AADACL4: variants seen among roughly 807,000 people sequenced by gnomAD.
AADACL4 encodes arylacetamide deacetylase like 4, also known as arylacetamide deacetylase-like 4.
Under a neutral mutation model 14.1 loss-of-function variants are expected in AADACL4, and 9 were observed. The observed-to-expected ratio is 0.64, with a 90% CI of 0.39 to 1.12. The LOEUF is 1.12. Ranked by LOEUF, AADACL4 falls within the 50% of genes most tolerant of loss-of-function variation. The pLI, the probability that AADACL4 is intolerant of heterozygous loss-of-function variation, is 0.01. For synonymous variants in AADACL4, 188 were observed against 201.6 expected (o/e 0.93, Z 0.57); for missense variants, 531 against 516.1 (o/e 1.03, Z -0.28).
At chr1:12,644,902 T>G (rs1362259160) in intron 1 of AADACL4, among the ~76,000 whole-genome samples, 188 bp downstream of exon 1, 1 of 151,188 alleles carries the variant, frequency 6.6e-6, no homozygotes, top group Non-Finnish European at 1.5e-5. Context: ...CCTTCCCCCT[T>G]CCCATAGCCT....
intron 2 of AADACL4, among the ~76,000 whole-genome samples, chr1:12,658,108 TTTCCTTCC>T (rs748632129): frequency 0.22 from 27,408 of 121,932 alleles, 3,320 homozygotes; most frequent in Admixed American, 0.26. Flanking sequence ...TCTCTCTTTC[TTTCCTTCC>T]TTCCTTCCTT....
intron 2 of AADACL4, 145 bp from the exon 3 acceptor site, chr1:12,661,646 C>G (rs769475698): frequency 1.2e-5 from 10 of 827,354 alleles, no homozygotes; most frequent in Non-Finnish European, 1.8e-5. Context: ...TTTTTTGGCT[C>G]TGTCCAGGCA....
chr1:12,666,234 C>A lies in AADACL4; in HGVS notation c.723C>A (p.Val241=). 1 of 1,614,256 alleles carries A rather than the reference C, an allele frequency of 6.2e-7. No homozygotes were observed. The change falls in exon 4 of 4, where the codon GTC becomes GTA. Residue 241 remains valine, a synonymous_variant. Transcript: ENST00000376221. ...QLPSFQQNQN[V]PLLSRKFMVT... is the part of the protein sequence containing the mutation. ...CATCCTTTCAGCAGAACCAAAATGT[C>A]CCATTACTTTCCCGGAAGTTCATGG...
intron 2 of AADACL4, among the ~76,000 whole-genome samples, chr1:12,660,925 A>C (rs1276296747): frequency 6.6e-6 from 1 of 152,206 alleles, no homozygotes; most frequent in Admixed American, 6.5e-5. Context: ...TACAGGCATG[A>C]ACCAGGGCAT....
intron 1 of AADACL4, among the ~76,000 whole-genome samples, chr1:12,646,695 A>G (rs914577055): frequency 2.6e-5 from 4 of 152,222 alleles, no homozygotes; most frequent in Non-Finnish European, 5.9e-5. Context: ...AAAGTAGCCC[A>G]CAAGCTAAAC....
intron 2 of AADACL4, among the ~76,000 whole-genome samples, chr1:12,656,025 G>A (rs1204690989): frequency 2.0e-5 from 3 of 152,150 alleles, no homozygotes; most frequent in East Asian, 3.9e-4. Context: ...GGGCCAAATG[G>A]TGTTATAGAA....
Position 12,651,353 on chromosome 1 carries a change from C to A in AADACL4, c.385+14C>A. Reference sequence around the variant, plus strand: ...TTGGGAGCCTGGGTAAGGGGCTTCCCTGTGGCTTTGTAGAGGAAGGGCCTC... The same window carrying A: ...TTGGGAGCCTGGGTAAGGGGCTTCCATGTGGCTTTGTAGAGGAAGGGCCTC... On this transcript the variant is annotated intron_variant, in intron 2 of 3. Transcript: ENST00000376221. The A allele has an allele frequency of 6.2e-7, 1 of 1,613,388 alleles. No homozygotes were observed. The highest frequency in any genetic ancestry group is 1.1e-5 in the South Asian group (1 of 91,020).
chr1:12,645,217 TTCC>T (rs1218467479), intron 1 of AADACL4, among the ~76,000 whole-genome samples: 1 of 136,962 alleles, frequency 7.3e-6, no homozygotes, highest in Non-Finnish European at 1.6e-5. Flanking sequence ...CCCTTCTTCC[TTCC>T]TCCCTATCTC....
intron 2 of AADACL4, among the ~76,000 whole-genome samples, chr1:12,653,252 A>T (rs1375130513): frequency 1.3e-5 from 2 of 152,256 alleles, no homozygotes; most frequent in African/African-American, 4.8e-5. Context: ...AGTCTATTAG[A>T]TTGGTGTGAA....
At chr1:12,645,637 G>A (rs996405055) in intron 1 of AADACL4, among the ~76,000 whole-genome samples, 11 of 151,966 alleles carry the variant, frequency 7.2e-5, no homozygotes, top group Non-Finnish European at 1.3e-4. Context: ...CAACCTCCTG[G>A]GCTCAAGCGA....
chr1:12,663,719 T>G (rs929313733), intron 3 of AADACL4, among the ~76,000 whole-genome samples: 1 of 152,164 alleles, frequency 6.6e-6, no homozygotes, highest in African/African-American at 2.4e-5. Flanking sequence ...GAGTCATATA[T>G]TCAACATTTG....
At chr1:12,646,536 A>T (rs768007239) in intron 1 of AADACL4, among the ~76,000 whole-genome samples, 21 of 152,226 alleles carry the variant, frequency 1.4e-4, no homozygotes, top group Non-Finnish European at 2.9e-4. Context: ...TGGAGAATGC[A>T]ATCAGCCTGG....
chr1:12,655,129 T>A (rs553246478), intron 2 of AADACL4, among the ~76,000 whole-genome samples: 122 of 152,232 alleles, frequency 8.0e-4, no homozygotes, highest in African/African-American at 2.8e-3. Flanking sequence ...TAGAAACTCA[T>A]GAGTTAATAT....
intron 2 of AADACL4, among the ~76,000 whole-genome samples, chr1:12,653,176 A>T (rs1647159798): frequency 6.6e-6 from 1 of 152,344 alleles, no homozygotes; most frequent in African/African-American, 2.4e-5. Context: ...CATCAGGAGG[A>T]TCTGAATCTG....
chr1:12,660,601 T>A (rs1647218706), intron 2 of AADACL4, among the ~76,000 whole-genome samples: 1 of 152,094 alleles, frequency 6.6e-6, no homozygotes, highest in Admixed American at 6.5e-5. Context: ...AAAGTCATAT[T>A]CATACCCAGA....
chr1:12,665,818 T>C (rs1358190272), intron 3 of AADACL4, 143 bp from the exon 4 acceptor site: 3 of 926,790 alleles, frequency 3.2e-6, no homozygotes, highest in African/African-American at 3.3e-5. Flanking sequence ...AGGAAGACAA[T>C]GGGGATAAAA....
intron 2 of AADACL4, among the ~76,000 whole-genome samples, chr1:12,654,884 C>G (rs148441518): frequency 1.3e-4 from 20 of 152,194 alleles, no homozygotes; most frequent in Non-Finnish European, 2.5e-4. Flanking sequence ...TAATTACCCA[C>G]AGGTGTGTTG....
chr1:12,658,127 CCTTCCTTCCTTCCTTT>C (rs1211433985), intron 2 of AADACL4, among the ~76,000 whole-genome samples: 11 of 119,494 alleles, frequency 9.2e-5, no homozygotes, highest in African/African-American at 2.5e-4. Context: ...TTCCTTCCTT[CCTTCCTTCCTTCCTTT>C]CTTTCTTTCT....
At chr1:12,648,835 C>A in intron 1 of AADACL4, among the ~76,000 whole-genome samples, 1 of 152,278 alleles carries the variant, frequency 6.6e-6, no homozygotes, top group Non-Finnish European at 1.5e-5. Flanking sequence ...CAAACCAAAA[C>A]CAAAACAAAG....
Sources: allele counts gnomAD v4.1 joint callset (sites outside exome capture counted in the v4.1 genomes callset), GRCh38; gene constraint gnomAD v4.1.1; transcripts MANE v1.5; gene names NCBI Gene and HGNC (gene_info 2026-07-23, HGNC 2026-07-21).